Variants in MEGF11 observed in about 807,000 individuals in gnomAD.
MEGF11 encodes the protein multiple EGF like domains 11, also known as multiple epidermal growth factor-like domains protein 11.
Under a neutral mutation model 146.6 loss-of-function variants are expected in MEGF11, and 126 were observed. The observed-to-expected ratio is 0.86, with a 90% CI of 0.74 to 1.00. The LOEUF (loss-of-function observed/expected upper bound fraction) is 1.00, where lower values mean the gene tolerates loss of function less well. Ranked by LOEUF, MEGF11 falls within the 50% of genes least tolerant of loss-of-function variation. The probability of loss-of-function intolerance (pLI) is 0.00; values close to 1 mark genes in which losing one functional copy is unlikely to be tolerated. For missense variants in MEGF11, 1,509 were observed against 1,521.2 expected, an observed-to-expected ratio of 0.99 and a Z score of 0.13; for synonymous variants, 532 against 583.4, an observed-to-expected ratio of 0.91 and a Z score of 1.27.
chr15:66,058,988 C>T (rs559174906), intron 5 of MEGF11, among the ~76,000 whole-genome samples: 1 of 152,272 alleles, frequency 6.6e-6, no homozygotes, highest in East Asian at 1.9e-4. Flanking sequence ...AACCACTCGG[C>T]AATTAAAGGG....
intron 5 of MEGF11, among the ~76,000 whole-genome samples, chr15:65,987,391 G>T (rs905526488): frequency 1.3e-5 from 2 of 152,190 alleles, no homozygotes; most frequent in Non-Finnish European, 2.9e-5. Flanking sequence ...ACTGGTTTAT[G>T]TGTGAATGGT....
intron 5 of MEGF11, among the ~76,000 whole-genome samples, chr15:66,034,155 A>T (rs1367071475): frequency 6.6e-6 from 1 of 152,150 alleles, no homozygotes; most frequent in African/African-American, 2.4e-5. Context: ...TGTCTGTCCT[A>T]TACCTGTCCC....
intron 1 of MEGF11, among the ~76,000 whole-genome samples, chr15:66,186,339 G>C (rs2090702110): frequency 6.6e-6 from 1 of 152,134 alleles, no homozygotes; most frequent in Admixed American, 6.5e-5. Flanking sequence ...TCTGCCCCGG[G>C]ACTGGCCAGC....
At chr15:66,058,616 A>G (rs1359957942) in intron 5 of MEGF11, among the ~76,000 whole-genome samples, 4 of 152,192 alleles carry the variant, frequency 2.6e-5, no homozygotes, top group East Asian at 1.9e-4. Flanking sequence ...CCCCCTCCAC[A>G]GGTCTAGAGG....
chr15:66,110,248 T>C (rs1019461698), intron 4 of MEGF11, among the ~76,000 whole-genome samples: 4 of 152,226 alleles, frequency 2.6e-5, no homozygotes, highest in South Asian at 2.1e-4. Flanking sequence ...CACTAACAAG[T>C]GGACAAGGAC....
chr15:66,206,641 C>G (rs1205911772), intron 1 of MEGF11, among the ~76,000 whole-genome samples: 1 of 152,172 alleles, frequency 6.6e-6, no homozygotes, highest in African/African-American at 2.4e-5. Flanking sequence ...GTGGCTCACA[C>G]CTGTAATCCC....
At chr15:66,018,827 G>A (rs1481612966) in intron 5 of MEGF11, among the ~76,000 whole-genome samples, 2 of 152,160 alleles carry the variant, frequency 1.3e-5, no homozygotes, top group African/African-American at 4.8e-5. Context: ...GAGAGAGACT[G>A]ACCCTGGAGA....
chr15:65,906,744 C>CAG (rs2078640893), intron 23 of MEGF11: 1 of 152,294 alleles, frequency 6.6e-6, no homozygotes, highest in African/African-American at 2.4e-5. Context: ...GTAGGATGTA[C>CAG]AGACATTCCC....
chr15:65,949,823 C>T (rs1450066503), intron 10 of MEGF11, among the ~76,000 whole-genome samples: 2 of 152,188 alleles, frequency 1.3e-5, no homozygotes, highest in Non-Finnish European at 2.9e-5. Flanking sequence ...GGAGGAGGCT[C>T]CATCAGTCTG....
chr15:66,232,416 C>T (rs963918943), intron 1 of MEGF11, among the ~76,000 whole-genome samples: 2 of 152,310 alleles, frequency 1.3e-5, no homozygotes, highest in Middle Eastern at 3.4e-3. Flanking sequence ...CTGCGAGAGA[C>T]TCAGCATTCC....
At position 65,957,578 on chromosome 15, in the gene MEGF11, G is replaced by T; in HGVS notation, c.1256C>A (p.Thr419Asn). Residue 419 changes from threonine (T) to asparagine (N), a missense_variant, in exon 10 of 26, where the codon ACT becomes AAT. Coordinates refer to ENST00000395614, the MANE Select transcript of MEGF11 (RefSeq NM_001385028.1). ...GCCCGGAGCACAAGTGCAGCCCCCA[G>T]TGATGCTGTGGCAGTCGGCGCCATT... is the stretch of plus-strand genomic sequence containing the variant. Reference protein sequence around the residue: ...CQNGADCHSITGGCTCAPGFM... With the variant: ...CQNGADCHSINGGCTCAPGFM... 1 of 1,613,872 alleles carries T rather than the reference G, an allele frequency of 6.2e-7. No homozygotes were observed. Among genetic ancestry groups the T allele is most frequent in the Admixed American group, 1.7e-5 (1 of 60,014 alleles).
At chr15:65,987,398 T>C (rs1424655279) in intron 5 of MEGF11, among the ~76,000 whole-genome samples, 1 of 152,232 alleles carries the variant, frequency 6.6e-6, no homozygotes, top group Non-Finnish European at 1.5e-5. Flanking sequence ...TATGTGTGAA[T>C]GGTGGGCGTA....
intron 7 of MEGF11, among the ~76,000 whole-genome samples, chr15:65,972,113 A>G (rs762034619): frequency 6.6e-6 from 1 of 152,180 alleles, no homozygotes; most frequent in Admixed American, 6.5e-5. Context: ...TACCAGAGAG[A>G]GAGAGACAAA....
intron 5 of MEGF11, among the ~76,000 whole-genome samples, chr15:65,985,177 A>G (rs915280500): frequency 1.3e-5 from 2 of 152,134 alleles, no homozygotes; most frequent in Admixed American, 6.6e-5. Flanking sequence ...AGGTTTTCTT[A>G]TTTTCCCATT....
intron 1 of MEGF11, among the ~76,000 whole-genome samples, chr15:66,180,075 ACT>A (rs2090506183): frequency 1.3e-5 from 2 of 152,262 alleles, no homozygotes; most frequent in South Asian, 2.1e-4. Flanking sequence ...GAGAGTTCTG[ACT>A]CTGTAAAGTT....
intron 5 of MEGF11, among the ~76,000 whole-genome samples, chr15:66,044,162 C>A (rs2084103396): frequency 6.6e-6 from 1 of 152,166 alleles, no homozygotes; most frequent in African/African-American, 2.4e-5. Flanking sequence ...TCCACTATGG[C>A]AAGGTGATGT....
intron 5 of MEGF11, among the ~76,000 whole-genome samples, chr15:66,015,938 G>A (rs1246777788): frequency 6.6e-6 from 1 of 150,638 alleles, no homozygotes; most frequent in African/African-American, 2.4e-5. Context: ...GTGGGAGTTG[G>A]TGGGGGGGCT....
chr15:65,912,072 G>C lies in MEGF11; in HGVS notation c.2829+10C>G. The stretch of plus-strand genomic sequence containing the variant: ...AGTGAGTGGGGGCTGGGGAATCAGG[G>C]GCCCGGTACCTTGGTGGGGCTGTTC... On this transcript the variant is annotated intron_variant, in intron 21 of 25. Coordinates refer to ENST00000395614, the MANE Select transcript of MEGF11 (RefSeq NM_001385028.1). The C allele has an allele frequency of 8.1e-7, 1 of 1,228,436 alleles. No individual in the cohort carries two copies. Among genetic ancestry groups the C allele is most frequent in the East Asian group, 3.2e-5 (1 of 31,696 alleles). The allele number at this position is 1,228,436 out of a possible 1,614,324, so 76.1% of individuals were successfully genotyped here.
At chr15:66,191,685 G>C (rs1298328522) in intron 1 of MEGF11, among the ~76,000 whole-genome samples, 6 of 152,328 alleles carry the variant, frequency 3.9e-5, no homozygotes, top group African/African-American at 1.4e-4. Flanking sequence ...ACCCGGTTCA[G>C]ATGCCCCCTT....
Sources: allele counts gnomAD v4.1 joint callset (sites outside exome capture counted in the v4.1 genomes callset), GRCh38; gene constraint gnomAD v4.1.1; transcripts MANE v1.5; gene names NCBI Gene and HGNC (gene_info 2026-07-23, HGNC 2026-07-21).